The following ARID5B variants were observed in gnomAD, a reference collection of about 807,000 sequenced individuals.
ARID5B encodes AT-rich interaction domain 5B.
In ARID5B, 13 loss-of-function variants were observed where a neutral mutation model predicts 97.2. The observed-to-expected ratio is 0.13, with a 90% CI of 0.09 to 0.21. The LOEUF is 0.21. Among genes scored for constraint, ARID5B ranks in the 10% least tolerant of loss-of-function variants. ARID5B has a pLI of 1.00. For synonymous variants in ARID5B, 556 were observed against 570.3 expected (o/e 0.97, Z 0.36); for missense variants, 1,210 against 1,465.3 (o/e 0.83, Z 2.84).
chr10:61,941,996 C>T (rs549220623), intron 3 of ARID5B, among the ~76,000 whole-genome samples: 2 of 152,196 alleles, frequency 1.3e-5, no homozygotes, highest in South Asian at 2.1e-4. Context: ...AACATTAAAA[C>T]CTTTCTTTTG....
At chr10:61,975,577 G>A (rs1838688363) in intron 3 of ARID5B, among the ~76,000 whole-genome samples, 1 of 151,898 alleles carries the variant, frequency 6.6e-6, no homozygotes, top group Admixed American at 6.6e-5. Flanking sequence ...CAGTAAACTG[G>A]GTATAAGAAT....
At chr10:61,967,981 A>T (rs535682869) in intron 3 of ARID5B, among the ~76,000 whole-genome samples, 1 of 151,850 alleles carries the variant, frequency 6.6e-6, no homozygotes, top group African/African-American at 2.4e-5. Flanking sequence ...GTAAGGGCCT[A>T]TTATGCCCAG....
chr10:62,081,696 T>TA (rs1404275512), intron 8 of ARID5B, among the ~76,000 whole-genome samples: 1 of 152,164 alleles, frequency 6.6e-6, no homozygotes, highest in African/African-American at 2.4e-5. Context: ...CCTTAGTGTT[T>TA]AAAAAAATAA....
At chr10:61,928,458 G>T (rs537936136) in intron 2 of ARID5B, among the ~76,000 whole-genome samples, 1 of 152,164 alleles carries the variant, frequency 6.6e-6, no homozygotes, top group African/African-American at 2.4e-5. Context: ...CTGCCACCAT[G>T]CCTGGCTCAT....
chr10:62,012,903 G>T (rs903487109), intron 4 of ARID5B, among the ~76,000 whole-genome samples: 1 of 151,990 alleles, frequency 6.6e-6, no homozygotes, highest in African/African-American at 2.4e-5. Context: ...AGTTTATATT[G>T]TTTCCTCCAC....
chr10:62,053,567 T>C (rs1455942244), intron 5 of ARID5B, among the ~76,000 whole-genome samples: 1 of 152,212 alleles, frequency 6.6e-6, no homozygotes, highest in Non-Finnish European at 1.5e-5. Flanking sequence ...TTTTCTGGAA[T>C]AATCTTAAAG....
intron 7 of ARID5B, among the ~76,000 whole-genome samples, chr10:62,069,302 A>G (rs2132952982): frequency 6.6e-6 from 1 of 152,376 alleles, no homozygotes; most frequent in East Asian, 1.9e-4. Flanking sequence ...TGCCTCAGGC[A>G]ATGTTAATGT....
intron 3 of ARID5B, among the ~76,000 whole-genome samples, chr10:61,947,777 C>G (rs906654092): frequency 2.0e-5 from 3 of 152,112 alleles, no homozygotes; most frequent in African/African-American, 7.2e-5. Flanking sequence ...CTTGGCTATT[C>G]CTGCTAGAAA....
intron 4 of ARID5B, among the ~76,000 whole-genome samples, chr10:62,032,309 A>G (rs1839507345): frequency 6.6e-6 from 1 of 152,228 alleles, no homozygotes; most frequent in South Asian, 2.1e-4. Context: ...CAATAAAGTG[A>G]GACCCTGACT....
At chr10:62,012,022 G>A (rs1212691134) in intron 4 of ARID5B, among the ~76,000 whole-genome samples, 4 of 151,782 alleles carry the variant, frequency 2.6e-5, no homozygotes, top group East Asian at 1.9e-4. Context: ...AAAGTAAATA[G>A]TAAAAACAGC....
At chr10:61,921,780 T>G (rs1844019744) in intron 2 of ARID5B, among the ~76,000 whole-genome samples, 1 of 152,200 alleles carries the variant, frequency 6.6e-6, no homozygotes, top group African/African-American at 2.4e-5. Flanking sequence ...CTGATGAGGG[T>G]TGAAAGGTAT....
intron 3 of ARID5B, among the ~76,000 whole-genome samples, chr10:61,968,214 A>AC (rs1554841203): frequency 6.8e-6 from 1 of 146,716 alleles, no homozygotes; most frequent in African/African-American, 2.6e-5. Context: ...ACACACACAC[A>AC]AACACAGTTT....
At chr10:62,008,180 C>T (rs139823728) in intron 4 of ARID5B, among the ~76,000 whole-genome samples, 4 of 151,836 alleles carry the variant, frequency 2.6e-5, no homozygotes, top group Non-Finnish European at 5.9e-5. Flanking sequence ...AGAGCAGTAC[C>T]CAGCACATAG....
In ARID5B at chr10:61,902,524, T is replaced by G. The variant is rs1044119597; in HGVS notation, c.276+111T>G. 10 of 1,434,746 alleles carry G rather than the reference T, an allele frequency of 7.0e-6. No homozygotes were observed. In the East Asian group the frequency reaches 2.1e-4, roughly 30 times the overall value. The allele number at this position is 1,434,746 out of a possible 1,614,324, so 88.9% of individuals were successfully genotyped here. On this transcript the variant is annotated intron_variant, in intron 2 of 9. Coordinates refer to ENST00000279873, the MANE Select transcript of ARID5B (RefSeq NM_032199.3). ...TATTCACTTCTGCAGGCAAGCAGGA[T>G]CGACTCCTTTTTTAAAGGGGTAGCG...
intron 3 of ARID5B, among the ~76,000 whole-genome samples, chr10:61,942,341 G>A (rs1844424555): frequency 6.6e-6 from 1 of 152,174 alleles, no homozygotes; most frequent in Non-Finnish European, 1.5e-5. Context: ...GTACTTGCAG[G>A]TGGTTTGGCC....
At chr10:62,063,211 T>C (rs1248910260) in intron 7 of ARID5B, among the ~76,000 whole-genome samples, 4 of 152,312 alleles carry the variant, frequency 2.6e-5, no homozygotes, top group Admixed American at 1.3e-4. Context: ...CTAGCTGAGA[T>C]TTTTATCTGA....
In ARID5B at chr10:62,091,128, G is replaced by C. The variant is rs774734058; in HGVS notation, c.1665G>C (p.Leu555Phe). Residue 555 changes from leucine to phenylalanine, a missense_variant, in exon 10 of 10, where the codon TTG becomes TTC. Leu to Phe is a conservative substitution (Grantham distance 22). Around this residue, in one of 8 missense-constraint regions of ARID5B, gnomAD observed 800 missense variants for 839.1 expected, o/e 0.95. Coordinates refer to ENST00000279873, the MANE Select transcript of ARID5B (RefSeq NM_032199.3). ...APLAPEKDSA[L>F]VPGASKQPLT... ...TGGCCCCAGAAAAAGATTCAGCCTT[G>C]GTCCCTGGGGCCAGCAAACAGCCAC... 39 of 1,614,042 alleles carry C rather than the reference G, an allele frequency of 2.4e-5. No homozygotes were observed. The highest frequency in any genetic ancestry group is 3.2e-5 in the Non-Finnish European group (38 of 1,180,046).
At chr10:62,055,339 C>T (rs958412852) in intron 5 of ARID5B, among the ~76,000 whole-genome samples, 5 of 152,168 alleles carry the variant, frequency 3.3e-5, no homozygotes, top group Non-Finnish European at 7.3e-5. Context: ...GCTGCTCATC[C>T]TGTCTACCTC....
chr10:62,068,909 C>T (rs980866940), intron 7 of ARID5B, among the ~76,000 whole-genome samples: 18 of 152,132 alleles, frequency 1.2e-4, no homozygotes, highest in Non-Finnish European at 2.5e-4. Context: ...GTGTGCAGCT[C>T]AGTATATTAC....
Sources: gnomAD v4.1 joint callset for allele counts (sites outside exome capture counted in the v4.1 genomes callset) on GRCh38, gnomAD v4.1.1 for gene constraint, gnomAD v4.1.1 regional missense constraint, MANE v1.5 for transcripts, NCBI Gene and HGNC (gene_info 2026-07-23, HGNC 2026-07-21) for gene names.